The following TBC1D7 variants were observed in gnomAD, a reference collection of about 807,000 sequenced individuals.
TBC1D7 encodes the protein TBC1 domain family member 7.
A neutral mutation model predicts 35.3 loss-of-function variants in TBC1D7; 33 were observed. The ratio of observed to expected loss-of-function variants is 0.93; its 90% CI spans 0.71 to 1.25. The LOEUF is 1.25. TBC1D7 is among the 50% of genes most tolerant of loss of function. The pLI, the probability that TBC1D7 is intolerant of heterozygous loss-of-function variation, is 0.00. For synonymous variants in TBC1D7, 135 were observed against 129.5 expected (o/e 1.04, Z -0.29); for missense variants, 362 against 365.3 (o/e 0.99, Z 0.07).
rs482227 is a variant in TBC1D7, at chr6:13,316,573, A to G, written c.517T>C (p.Leu173=). The G allele has an allele frequency of 0.022, 35,265 of 1,599,246 alleles. 5,058 individuals are homozygous for G. The African/African-American group carries it at 0.36, about 16-fold the overall frequency. Reference sequence around the variant, plus strand: ...CAAAAAAAAAAAAAAGCCCTCACCAACTGGGGCAAGGAATCCCGGTACTTG... The same window carrying G: ...CAAAAAAAAAAAAAAGCCCTCACCAGCTGGGGCAAGGAATCCCGGTACTTG... ...NTKYRDSLPQ[L]PKAFEQYLNL... The change falls in exon 5 of 8, where the codon TTG becomes CTG. Residue 173 remains leucine (L), a splice_region_variant and synonymous_variant. Transcript: ENST00000379300.
chr6:13,309,261 T>C (rs949289643), intron 5 of TBC1D7, among the ~76,000 whole-genome samples: 2 of 152,118 alleles, frequency 1.3e-5, no homozygotes, highest in African/African-American at 2.4e-5. Context: ...GCAAAGAAAA[T>C]TTCATCCAAA....
At chr6:13,315,468 C>T (rs1783536140) in intron 5 of TBC1D7, among the ~76,000 whole-genome samples, 1 of 152,132 alleles carries the variant, frequency 6.6e-6, no homozygotes, top group Non-Finnish European at 1.5e-5. Flanking sequence ...AATCCCAGCA[C>T]TTTGGGAGGC....
chr6:13,316,087 C>T (rs1468260364), intron 5 of TBC1D7, among the ~76,000 whole-genome samples: 5 of 152,214 alleles, frequency 3.3e-5, no homozygotes, highest in African/African-American at 1.2e-4. Context: ...AATACTGGAG[C>T]AGAATGGCAG....
At chr6:13,328,156 C>A (rs187428644) in intron 1 of TBC1D7, 140 bp downstream of exon 1, 2 of 152,316 alleles carry the variant, frequency 1.3e-5, no homozygotes, top group Non-Finnish European at 2.9e-5. Context: ...TCTTAGATTG[C>A]ACTACAATGA....
chr6:13,325,317 G>C, intron 2 of TBC1D7, 143 bp from the exon 3 acceptor site: 1 of 583,554 alleles, frequency 1.7e-6, no homozygotes, highest in South Asian at 2.3e-5. Flanking sequence ...GTTTAGGAGA[G>C]GCAATACTAG....
intron 6 of TBC1D7, 67 bp downstream of exon 6, chr6:13,307,533 C>T: frequency 1.3e-6 from 2 of 1,529,236 alleles, no homozygotes; most frequent in Non-Finnish European, 1.8e-6. Context: ...TGAGGGATGA[C>T]CACATGAAAG....
At chr6:13,328,015 G>C (rs1159088172) in intron 1 of TBC1D7, 1 of 152,182 alleles carries the variant, frequency 6.6e-6, no homozygotes, top group African/African-American at 2.4e-5. Flanking sequence ...CTGAGCTTTC[G>C]GGAGCAGATG....
rs72202814 is a variant in TBC1D7 at position 13,316,548 on chromosome 6, CAA to C, written c.519+21_519+22del. 0.031 allele frequency: 43,842 copies of C among 1,428,750 alleles called. 2,848 individuals are homozygous for C. In the African/African-American group the frequency reaches 0.35, roughly 12 times the overall value. 88.5% of individuals were successfully genotyped at this position (1,428,750 alleles called of 1,614,324 possible). ...CTACCATTGTTCACTCTCCAATAGC[CAA>C]AAAAAAAAAAAAGCCCTCACCAACT... On this transcript the variant is annotated intron_variant, in intron 5 of 7. Coordinates refer to ENST00000379300, the MANE Select transcript of TBC1D7 (RefSeq NM_016495.6).
intron 5 of TBC1D7, among the ~76,000 whole-genome samples, chr6:13,310,780 G>T (rs1783155060): frequency 1.3e-5 from 2 of 152,216 alleles, no homozygotes; most frequent in East Asian, 3.9e-4. Flanking sequence ...AAGATGGGAA[G>T]AATGTGTACT....
At chr6:13,326,447 A>T (rs1784410263) in intron 2 of TBC1D7, among the ~76,000 whole-genome samples, 1 of 150,554 alleles carries the variant, frequency 6.6e-6, no homozygotes. Flanking sequence ...TGGGCAACAG[A>T]GTCAGACTTG....
intron 5 of TBC1D7, among the ~76,000 whole-genome samples, chr6:13,312,952 A>T (rs1034573621): frequency 6.6e-6 from 1 of 152,188 alleles, no homozygotes; most frequent in Non-Finnish European, 1.5e-5. Flanking sequence ...AAAAATATTC[A>T]GGAAATAAAA....
intron 4 of TBC1D7, among the ~76,000 whole-genome samples, chr6:13,317,494 A>G (rs1276843305): frequency 6.6e-6 from 1 of 152,254 alleles, no homozygotes; most frequent in East Asian, 1.9e-4. Flanking sequence ...GTACCGACTT[A>G]AATCAAAATT....
Position 13,321,165 on chromosome 6 carries a change from AAG to A in TBC1D7, c.194-72_194-71del, listed in dbSNP as rs1358768971. ...ATCACTCCAAATCCCTCATCTATGA[AAG>A]AGGATGCCGTGAGAAGCGACCCACA... On this transcript the variant is annotated intron_variant, in intron 3 of 7. Transcript: ENST00000379300. The A allele has an allele frequency of 4.3e-6, 6 of 1,405,928 alleles. No homozygotes were observed. The African/African-American group carries it at 5.7e-5, about 13-fold the overall frequency. 87.1% of individuals were successfully genotyped at this position (1,405,928 alleles called of 1,614,324 possible).
At chr6:13,313,901 G>C (rs983263255) in intron 5 of TBC1D7, among the ~76,000 whole-genome samples, 2 of 152,094 alleles carry the variant, frequency 1.3e-5, no homozygotes, top group Non-Finnish European at 1.5e-5. Context: ...CTCCAAGGCA[G>C]TAAGTTAAAA....
In TBC1D7 at chr6:13,316,544, T is replaced by C. The variant is rs754963610; in HGVS notation, c.519+27A>G. On this transcript the variant is annotated intron_variant, in intron 5 of 7. Transcript: ENST00000379300. ...CCCACTACCATTGTTCACTCTCCAA[T>C]AGCCAAAAAAAAAAAAAAGCCCTCA... 3.8e-6 allele frequency: 6 copies of C among 1,579,806 alleles called. No homozygotes were observed. In the African/African-American group the frequency reaches 4.6e-5, roughly 12 times the overall value.
At chr6:13,312,226 C>T (rs963559684) in intron 5 of TBC1D7, among the ~76,000 whole-genome samples, 5 of 152,112 alleles carry the variant, frequency 3.3e-5, no homozygotes, top group Non-Finnish European at 7.4e-5. Flanking sequence ...CTCAGTAATA[C>T]ACCAACCAGA....
chr6:13,321,012 T>G lies in TBC1D7; in HGVS notation c.277A>C (p.Lys93Gln), dbSNP rs1360865956. The G allele has an allele frequency of 1.9e-6, 3 of 1,614,102 alleles. No individual in the cohort carries two copies. Among genetic ancestry groups the G allele is most frequent in the East Asian group, 4.5e-5 (2 of 44,904 alleles). Residue 93 changes from lysine to glutamine, a missense_variant, in exon 4 of 8, where the codon AAA becomes CAA. By Grantham distance (53) the Lys-to-Gln change is moderately conservative. Coordinates refer to ENST00000379300, the MANE Select transcript of TBC1D7 (RefSeq NM_016495.6). The stretch of plus-strand genomic sequence containing the variant: ...GCATCACTAACAAAGCGAACGACTT[T>G]CAGGGCATGAAGGACATCCAAGTAC... ...EQYLDVLHAL[K>Q]VVRFVSDATP...
chr6:13,321,151 T>A, intron 3 of TBC1D7, 56 bp from the exon 4 acceptor site: 1 of 1,485,654 alleles, frequency 6.7e-7, no homozygotes. Flanking sequence ...TCACTCCAAA[T>A]CCCTCATCTA....
intron 3 of TBC1D7, 136 bp from the exon 4 acceptor site, chr6:13,321,231 G>A (rs1784024846): frequency 2.9e-6 from 2 of 679,720 alleles, no homozygotes; most frequent in Non-Finnish European, 5.0e-6. Context: ...CAAGTACCAT[G>A]TAGAATCTCT....
Sources: gnomAD v4.1 joint callset for allele counts (sites outside exome capture counted in the v4.1 genomes callset) on GRCh38, gnomAD v4.1.1 for gene constraint, MANE v1.5 for transcripts, NCBI Gene and HGNC (gene_info 2026-07-23, HGNC 2026-07-21) for gene names.